The following TTC21A variants were observed in gnomAD, a reference collection of about 807,000 sequenced individuals.
The protein encoded by TTC21A is tetratricopeptide repeat domain 21A, also known as tetratricopeptide repeat protein 21A.
A neutral mutation model predicts 156.4 loss-of-function variants in TTC21A; 128 were observed. The observed-to-expected ratio is 0.82, with a 90% CI of 0.71 to 0.95. TTC21A has a LOEUF of 0.95. Among genes scored for constraint, TTC21A ranks in the 40% least tolerant of loss-of-function variants. TTC21A has a pLI of 0.00. For synonymous variants in TTC21A, 587 were observed against 617.1 expected (o/e 0.95, Z 0.72); for missense variants, 1,435 against 1,602.3 (o/e 0.90, Z 1.78).
intron 22 of TTC21A, 167 bp from the exon 23 acceptor site, chr3:39,136,190 T>G: frequency 1.6e-6 from 1 of 619,672 alleles, no homozygotes; most frequent in Non-Finnish European, 2.8e-6. Context: ...AGCATTAGTA[T>G]TATTCTTTAC....
In TTC21A at chr3:39,136,419, A is replaced by G; in HGVS notation, c.3007A>G (p.Ile1003Val). 1 of 1,614,216 alleles carries G rather than the reference A, an allele frequency of 6.2e-7. No homozygotes were observed. The highest frequency in any genetic ancestry group is 8.5e-7 in the Non-Finnish European group (1 of 1,180,028). Residue 1003 changes from isoleucine (I) to valine (V), a missense_variant, in exon 23 of 29, where the codon ATT becomes GTT. Transcript: ENST00000683103. ...AAGAAGAAGTGGAAAACTTGAAGAC[A>G]TTCCTGCCTTCTTTGAATTGGCCAA... The part of the protein sequence containing the change: ...LLRRSGKLED[I>V]PAFFELAKKV...
chr3:39,133,567 C>G (rs927611553), intron 20 of TTC21A, among the ~76,000 whole-genome samples: 2 of 152,172 alleles, frequency 1.3e-5, no homozygotes, highest in Non-Finnish European at 2.9e-5. Flanking sequence ...ATGAGGGTTG[C>G]AGCTGTCAGG....
At chr3:39,136,141 T>C (rs928827991) in intron 22 of TTC21A, 32 of 483,012 alleles carry the variant, frequency 6.6e-5, no homozygotes, top group Non-Finnish European at 1.0e-4. Context: ...ACAATATAAG[T>C]GCTATATAAG....
At chr3:39,115,093 T>C (rs2037166883) in intron 6 of TTC21A, among the ~76,000 whole-genome samples, 2 of 152,268 alleles carry the variant, frequency 1.3e-5, no homozygotes, top group South Asian at 2.1e-4. Context: ...GAGACTAGAA[T>C]ATATTGCATT....
In TTC21A at chr3:39,110,860, C is replaced by T; in HGVS notation, c.278C>T (p.Ala93Val). The stretch of plus-strand genomic sequence containing the variant: ...GCTCTTGGATTTACAGACCGAGAAG[C>T]AATTCAGGAGCTTGAGTACAGCCTG... ...HKRCEIIDREAIQELEYSLKE... is the reference protein window; with the variant it reads ...HKRCEIIDREVIQELEYSLKE... Residue 93 changes from alanine (A) to valine (V), a missense_variant, in exon 4 of 29, where the codon GCA (alanine) becomes GTA (valine). Ala to Val is a moderately conservative substitution (Grantham distance 64, BLOSUM62 0). Transcript: ENST00000683103. The T allele has an allele frequency of 6.2e-7, 1 of 1,613,900 alleles. No individual in the cohort carries two copies. Among genetic ancestry groups the T allele is most frequent in the African/African-American group, 1.3e-5 (1 of 75,046 alleles).
intron 12 of TTC21A, among the ~76,000 whole-genome samples, chr3:39,127,836 C>T (rs923837135): frequency 6.6e-6 from 1 of 152,224 alleles, no homozygotes; most frequent in Non-Finnish European, 1.5e-5. Context: ...ATCACTGGAG[C>T]CCCAGGTACC....
Position 39,112,597 on chromosome 3 carries a change from G to C in TTC21A, c.558+17G>C. On this transcript the variant is annotated intron_variant, in intron 5 of 28. Coordinates refer to ENST00000683103, the MANE Select transcript of TTC21A (RefSeq NM_001366900.1). ...ATGGGAAAGGTGGGCAGTGGAAAAG[G>C]GAGAGGTGGAAGTATTCCTGGCCAG... is the stretch of plus-strand genomic sequence containing the variant. 6.2e-7 allele frequency: 1 copy of C among 1,613,338 alleles called. No individual in the cohort carries two copies. Among genetic ancestry groups the C allele is most frequent in the Non-Finnish European group, 8.5e-7 (1 of 1,179,798 alleles).
chr3:39,122,765 A>G (rs2037878209), intron 9 of TTC21A, among the ~76,000 whole-genome samples: 1 of 152,214 alleles, frequency 6.6e-6, no homozygotes, highest in Non-Finnish European at 1.5e-5. Context: ...AAAATTCCCT[A>G]GAATGTTCTT....
intron 9 of TTC21A, among the ~76,000 whole-genome samples, chr3:39,123,834 A>AG (rs1246970166): frequency 6.6e-6 from 1 of 152,174 alleles, no homozygotes; most frequent in Non-Finnish European, 1.5e-5. Context: ...AAACATAAAG[A>AG]GAAAAAAAAT....
In TTC21A at chr3:39,128,513, C is replaced by T. The variant is rs746169852; in HGVS notation, c.1680+25C>T. On this transcript the variant is annotated intron_variant, in intron 13 of 28. Coordinates refer to ENST00000683103, the MANE Select transcript of TTC21A (RefSeq NM_001366900.1). ...GGTGGGTGCCCTCTCATCCTCTCAG[C>T]ATCCCAAAGCCCAGCTAGCTGTGGC... The T allele has an allele frequency of 2.5e-6, 4 of 1,613,450 alleles. No individual in the cohort carries two copies. In the South Asian group the frequency reaches 3.3e-5, roughly 13 times the overall value.
chr3:39,121,242 C>T lies in TTC21A; in HGVS notation c.1093+53C>T, dbSNP rs571677940. The stretch of plus-strand genomic sequence containing the variant: ...GATGGGTGTCGGGAGCCAAACCGGG[C>T]AGCTTCCATGGGTCCAGAAGAGAGG... On this transcript the variant is annotated intron_variant, in intron 9 of 28. Transcript: ENST00000683103. 35 of 1,525,284 alleles carry T rather than the reference C, an allele frequency of 2.3e-5. 2 individuals carry two copies. The South Asian group carries it at 4.2e-4, about 19-fold the overall frequency. 94.5% of individuals were successfully genotyped at this position (1,525,284 alleles called of 1,614,324 possible).
At chr3:39,126,520 A>ACTCTCT in intron 12 of TTC21A, 130 bp downstream of exon 12, 1 of 821,604 alleles carries the variant, frequency 1.2e-6, no homozygotes, top group African/African-American at 2.3e-5. Context: ...ACACACACAC[A>ACTCTCT]CTCTCCTTGC....
chr3:39,125,286 T>C, intron 10 of TTC21A, 46 bp from the exon 11 acceptor site: 2 of 1,598,260 alleles, frequency 1.3e-6, no homozygotes, highest in South Asian at 1.1e-5. Flanking sequence ...CTACCAAATC[T>C]GCCCAGGCTG....
In TTC21A at chr3:39,130,932, C is replaced by T. The variant is rs2038683068; in HGVS notation, c.2459-60C>T. 6.2e-7 allele frequency: 1 copy of T among 1,607,108 alleles called. No homozygotes were observed. The highest frequency in any genetic ancestry group is 8.5e-7 in the Non-Finnish European group (1 of 1,175,080). On this transcript the variant is annotated intron_variant, in intron 18 of 28. Coordinates refer to ENST00000683103, the MANE Select transcript of TTC21A (RefSeq NM_001366900.1). The surrounding 1 kb of genome is among the most constrained non-coding windows in gnomAD (Gnocchi z 4.5). Reference sequence around the variant, plus strand: ...CTGAAGTCCTGATCCCAGCGCTCCCCACCAACACAGCTTCCCAGGAGCCAG... The same window carrying T: ...CTGAAGTCCTGATCCCAGCGCTCCCTACCAACACAGCTTCCCAGGAGCCAG...
chr3:39,120,907 C>CT, intron 8 of TTC21A, 90 bp from the exon 9 acceptor site: 1 of 1,221,462 alleles, frequency 8.2e-7, no homozygotes, highest in Non-Finnish European at 1.2e-6. Flanking sequence ...CCAGCCCTGC[C>CT]TACCAAAGTG....
At chr3:39,137,741 G>C (rs769909266) in intron 26 of TTC21A, 31 bp downstream of exon 26, 1 of 1,584,898 alleles carries the variant, frequency 6.3e-7, no homozygotes, top group Non-Finnish European at 8.6e-7. Context: ...TAGGGCTGCG[G>C]GATGGCGGAA....
chr3:39,111,126 AC>A, intron 4 of TTC21A, 109 bp downstream of exon 4: 1 of 1,249,002 alleles, frequency 8.0e-7, no homozygotes, highest in Non-Finnish European at 1.1e-6. Flanking sequence ...GGAGAGCCAC[AC>A]CCAGGCACTG....
intron 12 of TTC21A, among the ~76,000 whole-genome samples, chr3:39,127,162 G>A (rs570176712): frequency 6.6e-6 from 1 of 152,242 alleles, no homozygotes; most frequent in Admixed American, 6.5e-5. Flanking sequence ...GTGCTCTATT[G>A]TCCTATCTGA....
At chr3:39,108,876 C>T (rs866373499) in intron 1 of TTC21A, among the ~76,000 whole-genome samples, 1 of 152,222 alleles carries the variant, frequency 6.6e-6, no homozygotes, top group Non-Finnish European at 1.5e-5. Flanking sequence ...CAAACAAACA[C>T]CTCCAAACTC....
Sources: allele counts gnomAD v4.1 joint callset (sites outside exome capture counted in the v4.1 genomes callset), GRCh38; gene constraint gnomAD v4.1.1; non-coding constraint Gnocchi (gnomAD v3.1); transcripts MANE v1.5; gene names NCBI Gene and HGNC (gene_info 2026-07-23, HGNC 2026-07-21).